Variants in PDXDC1 observed in about 807,000 individuals in gnomAD.
PDXDC1 encodes the protein pyridoxal-dependent decarboxylase domain-containing protein 1.
PDXDC1 carries 42 observed loss-of-function variants against 100.1 expected under a neutral mutation model. The observed-to-expected ratio is 0.42, with a 90% CI of 0.33 to 0.54. The LOEUF (loss-of-function observed/expected upper bound fraction) is 0.54, where lower values mean the gene tolerates loss of function less well. Ranked by LOEUF, PDXDC1 falls within the 20% of genes least tolerant of loss-of-function variation. The pLI, the probability that PDXDC1 is intolerant of heterozygous loss-of-function variation, is 0.10. For synonymous variants in PDXDC1, 260 were observed against 371.7 expected (o/e 0.70, Z 3.46); for missense variants, 636 against 979.2 (o/e 0.65, Z 4.68).
chr16:15,145,276 A>G, the PDXDC1 span, among the ~76,000 whole-genome samples: 3 of 152,226 alleles, frequency 2.0e-5, no homozygotes, highest in Non-Finnish European at 4.4e-5. Flanking sequence ...GGGCAGCCGG[A>G]ATCCCATCAC....
At chr16:15,153,131 G>GC in the PDXDC1 span, among the ~76,000 whole-genome samples, 1 of 49,214 alleles carries the variant, frequency 2.0e-5, no homozygotes, top group Admixed American at 2.0e-4. Context: ...ACCCAGCAAA[G>GC]CCCCAAGGAC....
intron 16 of PDXDC1, among the ~76,000 whole-genome samples, chr16:15,044,146 C>A (rs1015410104): frequency 6.6e-6 from 1 of 152,108 alleles, no homozygotes; most frequent in African/African-American, 2.4e-5. Context: ...CCTGCTACCC[C>A]TCCCTACACA....
At chr16:15,133,833 A>C in intron 16 of PDXDC1, 2 of 1,580,788 alleles carry the variant, frequency 1.3e-6, no homozygotes, top group Non-Finnish European at 1.7e-6. Flanking sequence ...GAGGGCGTGC[A>C]CAGCGCCCAG....
intron 16 of PDXDC1, among the ~76,000 whole-genome samples, chr16:15,052,261 G>C (rs551527439): frequency 5.9e-5 from 9 of 152,142 alleles, no homozygotes; most frequent in Non-Finnish European, 1.2e-4. Flanking sequence ...TGACACCGAA[G>C]TTTTAATTTC....
At chr16:15,077,670 T>A (rs1301253536) in intron 16 of PDXDC1, among the ~76,000 whole-genome samples, 1 of 152,110 alleles carries the variant, frequency 6.6e-6, no homozygotes, top group Non-Finnish European at 1.5e-5. Context: ...TGAAACCCCA[T>A]CTCTACTAAA....
At chr16:14,981,448 T>C (rs1481201265) in intron 1 of PDXDC1, among the ~76,000 whole-genome samples, 1 of 152,298 alleles carries the variant, frequency 6.6e-6, no homozygotes, top group Non-Finnish European at 1.5e-5. Flanking sequence ...ATAAAGCTTA[T>C]CTTAAGGAAG....
downstream of PDXDC1, among the ~76,000 whole-genome samples, chr16:15,040,822 C>G (rs138177691): frequency 8.3e-3 from 1,263 of 152,248 alleles, 7 homozygotes; most frequent in South Asian, 0.018. Context: ...CATGGCCTGT[C>G]CTTTCTATTT....
chr16:15,055,049 G>A (rs559982402), intron 16 of PDXDC1, among the ~76,000 whole-genome samples: 1 of 152,208 alleles, frequency 6.6e-6, no homozygotes, highest in South Asian at 2.1e-4. Flanking sequence ...AACACTCCGA[G>A]GGCAGGGACA....
intron 3 of PDXDC1, among the ~76,000 whole-genome samples, chr16:14,999,983 T>G (rs553558112): frequency 2.6e-5 from 4 of 152,394 alleles, no homozygotes; most frequent in African/African-American, 7.2e-5. Context: ...AGGATCACAG[T>G]GTGCCAATAA....
chr16:15,089,336 A>G (rs1229927058), intron 16 of PDXDC1, among the ~76,000 whole-genome samples: 6 of 152,186 alleles, frequency 3.9e-5, no homozygotes, highest in African/African-American at 1.4e-4. Flanking sequence ...AGCCCACAAG[A>G]GCAATCTTGG....
chr16:15,050,896 G>C (rs892418667), intron 16 of PDXDC1, among the ~76,000 whole-genome samples: 7 of 151,468 alleles, frequency 4.6e-5, no homozygotes, highest in South Asian at 2.1e-4. Flanking sequence ...ACAAACTAAA[G>C]ATTAAATGAA....
intron 16 of PDXDC1, among the ~76,000 whole-genome samples, chr16:15,071,898 G>C (rs1188066592): frequency 6.6e-6 from 1 of 152,166 alleles, no homozygotes; most frequent in Non-Finnish European, 1.5e-5. Flanking sequence ...GCCAGAACTG[G>C]TGACCAACAA....
At chr16:15,125,194 C>T (rs1356003988) in intron 16 of PDXDC1, 124 of 315,608 alleles carry the variant, frequency 3.9e-4, no homozygotes, top group Non-Finnish European at 6.5e-4. Flanking sequence ...CCCTAGATTT[C>T]GGTTGTGTTG....
At chr16:15,086,266 G>T (rs766553565) in intron 16 of PDXDC1, 138 of 1,555,648 alleles carry the variant, frequency 8.9e-5, no homozygotes, top group Non-Finnish European at 1.2e-4. Context: ...TCTCTAGAGT[G>T]GGGGAAGAAA....
chr16:15,131,613 G>T, intron 16 of PDXDC1: 2 of 1,601,294 alleles, frequency 1.2e-6, no homozygotes, highest in Non-Finnish European at 8.5e-7. Context: ...TCAGGTTGTA[G>T]GCCTGGGACG....
intron 1 of PDXDC1, among the ~76,000 whole-genome samples, chr16:14,975,892 G>A (rs1465705116): frequency 6.6e-6 from 1 of 152,294 alleles, no homozygotes; most frequent in East Asian, 1.9e-4. Flanking sequence ...AGGGGTGGGT[G>A]TTGCGTAGAT....
At chr16:15,092,209 G>A (rs2046160613) in intron 16 of PDXDC1, among the ~76,000 whole-genome samples, 1 of 152,266 alleles carries the variant, frequency 6.6e-6, no homozygotes, top group South Asian at 2.1e-4. Flanking sequence ...TGGTGTAATT[G>A]TTTTTAATTC....
chr16:15,056,989 C>G (rs1161881854), intron 16 of PDXDC1, among the ~76,000 whole-genome samples: 2 of 152,118 alleles, frequency 1.3e-5, no homozygotes, highest in African/African-American at 4.8e-5. Context: ...TGAGAGGCGT[C>G]TCACCGTGGA....
At chr16:15,023,489 G>A (rs1482407361) in intron 13 of PDXDC1, among the ~76,000 whole-genome samples, 1 of 152,284 alleles carries the variant, frequency 6.6e-6, no homozygotes, top group Non-Finnish European at 1.5e-5. Context: ...TTTAGAACAT[G>A]GTTTGGTTTA....
Sources: allele counts gnomAD v4.1 joint callset (sites outside exome capture counted in the v4.1 genomes callset), GRCh38; gene constraint gnomAD v4.1.1; transcripts MANE v1.5; gene names NCBI Gene and HGNC (gene_info 2026-07-23, HGNC 2026-07-21).